The following TRAM2 variants were observed in gnomAD, a reference collection of about 807,000 sequenced individuals.
The protein encoded by TRAM2 is translocation associated membrane protein 2.
In TRAM2, 12 loss-of-function variants were observed where a neutral mutation model predicts 51.0. The ratio of observed to expected loss-of-function variants is 0.24; its 90% confidence interval spans 0.15 to 0.38. The LOEUF (loss-of-function observed/expected upper bound fraction) is 0.38. TRAM2 is among the 10% of genes least tolerant of loss of function. The pLI is 1.00. For synonymous variants in TRAM2, 175 were observed against 179.4 expected (o/e 0.98, Z 0.20); for missense variants, 361 against 462.0 (o/e 0.78, Z 2.00).
At chr6:52,515,887 C>T (rs1766538852) in intron 4 of TRAM2, 119 bp downstream of exon 4, 1 of 843,394 alleles carries the variant, frequency 1.2e-6, no homozygotes, top group Admixed American at 2.3e-5. Flanking sequence ...ACTTGTTCCC[C>T]TTAACAGAAA....
intron 7 of TRAM2, among the ~76,000 whole-genome samples, chr6:52,506,755 C>G (rs1255566205): frequency 6.6e-6 from 1 of 152,204 alleles, no homozygotes; most frequent in Non-Finnish European, 1.5e-5. Context: ...GGAACTGACG[C>G]TGCTACAGGC....
At chr6:52,530,748 G>C (rs532750913) in intron 2 of TRAM2, among the ~76,000 whole-genome samples, 1 of 152,212 alleles carries the variant, frequency 6.6e-6, no homozygotes, top group Middle Eastern at 3.4e-3. Context: ...CGTGGTCTCG[G>C]GATTCTAGAA....
chr6:52,517,266 A>G (rs1276230858), intron 2 of TRAM2: 2 of 152,834 alleles, frequency 1.3e-5, no homozygotes, highest in Admixed American at 1.3e-4. Flanking sequence ...TCTGTACCTC[A>G]GTTTTCTCAT....
At chr6:52,503,417 G>A (rs1426395240) in intron 10 of TRAM2, 147 bp from the exon 11 acceptor site, 12 of 726,820 alleles carry the variant, frequency 1.7e-5, no homozygotes, top group Non-Finnish European at 2.7e-5. Context: ...CTGCAGCCTT[G>A]CACAGCAAAT....
intron 1 of TRAM2, among the ~76,000 whole-genome samples, chr6:52,574,225 C>T (rs900636501): frequency 3.3e-5 from 5 of 152,048 alleles, no homozygotes; most frequent in Admixed American, 1.3e-4. Flanking sequence ...GGTTATGAGG[C>T]GTCTCCCCAG....
intron 1 of TRAM2, among the ~76,000 whole-genome samples, chr6:52,556,145 G>A (rs1581699063): frequency 1.3e-5 from 2 of 152,016 alleles, no homozygotes; most frequent in African/African-American, 4.8e-5. Context: ...GGTAATTCTG[G>A]AGCTTGTGGC....
intron 2 of TRAM2, among the ~76,000 whole-genome samples, chr6:52,530,098 G>T (rs1052984928): frequency 6.6e-6 from 1 of 152,158 alleles, no homozygotes; most frequent in African/African-American, 2.4e-5. Flanking sequence ...TACATAATTT[G>T]GGACGTAATT....
At chr6:52,566,259 G>A (rs1471229778) in intron 1 of TRAM2, among the ~76,000 whole-genome samples, 6 of 152,008 alleles carry the variant, frequency 3.9e-5, no homozygotes, top group South Asian at 2.1e-4. Flanking sequence ...GTCCTTGCCC[G>A]CCCCACCACT....
intron 2 of TRAM2, among the ~76,000 whole-genome samples, chr6:52,528,454 A>G (rs772976883): frequency 1.3e-5 from 2 of 152,086 alleles, no homozygotes; most frequent in Non-Finnish European, 2.9e-5. Context: ...TTTCAAGTAT[A>G]TGATACAAGC....
At chr6:52,567,780 G>A (rs1767612517) in intron 1 of TRAM2, among the ~76,000 whole-genome samples, 1 of 152,158 alleles carries the variant, frequency 6.6e-6, no homozygotes, top group Admixed American at 6.5e-5. Context: ...TCTCCACCAT[G>A]GGTTCTGCTA....
At position 52,506,328 on chromosome 6, in the gene TRAM2, C is replaced by A. The variant is rs182583463; in HGVS notation, c.627-192G>T. Among the ~76,000 whole-genome samples the A allele has an allele frequency of 1.5e-4, 23 of 152,260 alleles. No individual in the cohort carries two copies. In the East Asian group the frequency reaches 3.9e-3, roughly 26 times the overall value. Reference sequence around the variant, plus strand: ...CACCTTTAAGACATTTTTCCTAATACCGACCCGCTGGCCGTTCAGCTGTCC... The same window carrying A: ...CACCTTTAAGACATTTTTCCTAATAACGACCCGCTGGCCGTTCAGCTGTCC... On this transcript the variant is annotated intron_variant, in intron 7 of 10. Transcript: ENST00000182527.
intron 1 of TRAM2, among the ~76,000 whole-genome samples, chr6:52,551,574 G>T (rs571497543): frequency 1.3e-5 from 2 of 152,232 alleles, no homozygotes; most frequent in Non-Finnish European, 2.9e-5. Flanking sequence ...TTTTCCTACA[G>T]CTGAGTAGCT....
At chr6:52,553,711 T>C (rs564439669) in intron 1 of TRAM2, among the ~76,000 whole-genome samples, 1 of 152,324 alleles carries the variant, frequency 6.6e-6, no homozygotes, top group East Asian at 1.9e-4. Context: ...AAAATCCCAA[T>C]TCTGCCCTCA....
At chr6:52,535,702 T>A in intron 2 of TRAM2, 81 bp downstream of exon 2, 1 of 1,334,392 alleles carries the variant, frequency 7.5e-7, no homozygotes, top group Non-Finnish European at 1.0e-6. Flanking sequence ...AAAAAAATTG[T>A]ACACAGATGG....
At chr6:52,551,152 T>C (rs528920464) in intron 1 of TRAM2, among the ~76,000 whole-genome samples, 15 of 152,184 alleles carry the variant, frequency 9.9e-5, no homozygotes, top group East Asian at 9.7e-4. Context: ...GAGGTGAATA[T>C]AGGATTTTGA....
chr6:52,562,711 C>T (rs765908522), intron 1 of TRAM2, among the ~76,000 whole-genome samples: 1 of 152,066 alleles, frequency 6.6e-6, no homozygotes, highest in Non-Finnish European at 1.5e-5. Flanking sequence ...CCTCCCTTAG[C>T]CCCCCACCCC....
chr6:52,529,524 G>A (rs1766847457), intron 2 of TRAM2: 1 of 152,120 alleles, frequency 6.6e-6, no homozygotes, highest in African/African-American at 2.4e-5. Flanking sequence ...TGGGGCCTGA[G>A]AGTGTGTTTT....
intron 1 of TRAM2, among the ~76,000 whole-genome samples, chr6:52,551,585 T>A (rs1421989046): frequency 6.6e-6 from 1 of 152,174 alleles, no homozygotes; most frequent in African/African-American, 2.4e-5. Flanking sequence ...CTGAGTAGCT[T>A]GGGGGCAGGT....
intron 2 of TRAM2, among the ~76,000 whole-genome samples, chr6:52,529,084 G>T (rs886761789): frequency 2.6e-5 from 4 of 151,948 alleles, no homozygotes; most frequent in African/African-American, 7.3e-5. Flanking sequence ...GTAGAGATGG[G>T]GTTTCACCGT....
Sources: gnomAD v4.1 joint callset for allele counts (sites outside exome capture counted in the v4.1 genomes callset) on GRCh38, gnomAD v4.1.1 for gene constraint, MANE v1.5 for transcripts, NCBI Gene and HGNC (gene_info 2026-07-23, HGNC 2026-07-21) for gene names.